STK32C: variants seen among roughly 807,000 people sequenced by gnomAD.
STK32C encodes serine/threonine-protein kinase 32C.
A neutral mutation model predicts 56.5 loss-of-function variants in STK32C; 31 were observed. The ratio of observed to expected loss-of-function variants is 0.55; its 90% confidence interval spans 0.41 to 0.74. The LOEUF is 0.74. STK32C is among the 30% of genes least tolerant of loss of function. The pLI is 0.00. For synonymous variants in STK32C, 309 were observed against 289.4 expected (o/e 1.07, Z -0.69); for missense variants, 544 against 676.9 (o/e 0.80, Z 2.18).
intron 1 of STK32C, among the ~76,000 whole-genome samples, chr10:132,253,452 AGGGAACTG>A: frequency 7.6e-6 from 1 of 131,744 alleles, no homozygotes; most frequent in Non-Finnish European, 1.6e-5. Context: ...GAGGGAGTCG[AGGGAACTG>A]GAGGGAGCTG....
At chr10:132,254,951 G>C (rs377204558) in intron 1 of STK32C, among the ~76,000 whole-genome samples, 22 of 152,070 alleles carry the variant, frequency 1.4e-4, no homozygotes, top group Middle Eastern at 3.4e-3. Flanking sequence ...GCGTGTCCCA[G>C]GCCTGGGACG....
At chr10:132,331,321 G>T in intron 1 of STK32C, 1 of 1,040,810 alleles carries the variant, frequency 9.6e-7, no homozygotes, top group East Asian at 2.6e-5. Flanking sequence ...TTGGATCCTG[G>T]AATGAAGGTG....
intron 1 of STK32C, among the ~76,000 whole-genome samples, chr10:132,301,288 T>C (rs1474560727): frequency 6.6e-6 from 1 of 152,160 alleles, no homozygotes; most frequent in Non-Finnish European, 1.5e-5. Context: ...TCCACTAATG[T>C]GAACCCAGAT....
At chr10:132,297,770 C>T (rs992335261) in intron 1 of STK32C, among the ~76,000 whole-genome samples, 3 of 152,236 alleles carry the variant, frequency 2.0e-5, no homozygotes, top group Admixed American at 6.5e-5. Context: ...CCCGGCGAAG[C>T]CCCCGTAGTC....
At position 132,241,438 on chromosome 10, in the gene STK32C, C is replaced by T. The variant is rs79155017; in HGVS notation, c.318+4462G>A. 2.4e-3 allele frequency among the ~76,000 whole-genome samples: 358 copies of T among 152,254 alleles called. 13 individuals carry two copies. In the East Asian group the frequency reaches 0.059, roughly 25 times the overall value. The stretch of plus-strand genomic sequence containing the variant: ...TGACATAGAATAACCATAGGAACGA[C>T]GTATCATCAACGGAACAAAATGTGA... On this transcript the variant is annotated intron_variant, in intron 2 of 11. Transcript: ENST00000298630.
intron 1 of STK32C, among the ~76,000 whole-genome samples, chr10:132,247,070 A>G (rs961975736): frequency 1.3e-5 from 2 of 152,120 alleles, no homozygotes; most frequent in African/African-American, 4.8e-5. Flanking sequence ...CCCCCTACAC[A>G]CATGGTTATT....
chr10:132,255,277 G>T lies in STK32C; in HGVS notation c.263-9322C>A, dbSNP rs1008148430. On this transcript the variant is annotated intron_variant, in intron 1 of 11. Coordinates refer to ENST00000298630, the MANE Select transcript of STK32C (RefSeq NM_173575.4). The surrounding 1 kb of genome is among the most constrained non-coding windows in gnomAD (Gnocchi z 4.6). ...GGCCCACACGGGGCTCCTGACTTAG[G>T]AAATACCGGGCCAGGTGGAAGAGTT... 6.6e-6 allele frequency among the ~76,000 whole-genome samples: 1 copy of T among 152,108 alleles called. No individual in the cohort carries two copies. The highest frequency in any genetic ancestry group is 2.4e-5 in the African/African-American group (1 of 41,398).
At chr10:132,302,613 G>A (rs1283021524) in intron 1 of STK32C, among the ~76,000 whole-genome samples, 2 of 152,174 alleles carry the variant, frequency 1.3e-5, no homozygotes, top group African/African-American at 2.4e-5. Context: ...CTGCACTGTG[G>A]GGGATGGGTG....
chr10:132,330,260 A>G lies in STK32C; in HGVS notation c.301+1176T>C. 5 of 571,210 alleles carry G rather than the reference A, an allele frequency of 8.8e-6. No individual in the cohort carries two copies. In the South Asian group the frequency reaches 1.1e-4, roughly 12 times the overall value. The allele number at this position is 571,210 out of a possible 1,614,324, so 35.4% of individuals were successfully genotyped here. On this transcript the variant is annotated intron_variant, in intron 1 of 1. Transcript: ENST00000368619. ...AAATGTGAAACAAAAACCTGAGGCA[A>G]CAATAACAAGCAAGAGGGAATACGC... is the stretch of plus-strand genomic sequence containing the variant.
At chr10:132,303,866 C>A (rs1408141254) in intron 1 of STK32C, among the ~76,000 whole-genome samples, 2 of 152,228 alleles carry the variant, frequency 1.3e-5, no homozygotes, top group Non-Finnish European at 2.9e-5. Flanking sequence ...GCCAGCTCCG[C>A]TGGCAGCAGG....
chr10:132,311,346 C>T (rs1003864343), upstream of STK32C, among the ~76,000 whole-genome samples: 3 of 152,222 alleles, frequency 2.0e-5, no homozygotes, highest in South Asian at 2.1e-4. This position sits in a 1 kb window ranked among gnomAD's most constrained non-coding sequence, Gnocchi z 4.4. Flanking sequence ...CATGGGACTC[C>T]GATGCTGGTG....
At chr10:132,310,151 G>T (rs1046388935), upstream of STK32C, among the ~76,000 whole-genome samples, 8 of 152,172 alleles carry the variant, frequency 5.3e-5, no homozygotes, top group Admixed American at 4.6e-4. The surrounding 1 kb of genome is among the most constrained non-coding windows in gnomAD (Gnocchi z 4.6). Context: ...GGGGGCAGAG[G>T]GGTTCATGGG....
chr10:132,268,143 TTGTG>T (rs374198887), intron 1 of STK32C, among the ~76,000 whole-genome samples: 13 of 123,122 alleles, frequency 1.1e-4, no homozygotes, highest in East Asian at 8.1e-4. Context: ...ATGCGTCACA[TTGTG>T]TGTGTGTGTG....
intron 1 of STK32C, among the ~76,000 whole-genome samples, chr10:132,316,814 G>A (rs1032316584): frequency 6.6e-6 from 1 of 152,114 alleles, no homozygotes; most frequent in African/African-American, 2.4e-5. Flanking sequence ...CCAGCAATTT[G>A]GGAGGCAAAG....
intron 1 of STK32C, among the ~76,000 whole-genome samples, chr10:132,265,617 T>C (rs2064493239): frequency 6.6e-6 from 1 of 152,134 alleles, no homozygotes; most frequent in Non-Finnish European, 1.5e-5. Context: ...TCCTTCCTGC[T>C]GAAGGCTCTG....
chr10:132,241,122 G>A (rs2063485399), intron 2 of STK32C, among the ~76,000 whole-genome samples: 3 of 152,232 alleles, frequency 2.0e-5, no homozygotes, highest in South Asian at 4.1e-4. Flanking sequence ...GTTATTCCCA[G>A]GAGCACCAGC....
At chr10:132,267,074 A>AG (rs2138114292) in intron 1 of STK32C, among the ~76,000 whole-genome samples, 1 of 152,258 alleles carries the variant, frequency 6.6e-6, no homozygotes, top group African/African-American at 2.4e-5. Flanking sequence ...CAGAAGCCGG[A>AG]GCAGCCCCTT....
chr10:132,306,016 C>T (rs768280980), intron 1 of STK32C, among the ~76,000 whole-genome samples: 14 of 152,212 alleles, frequency 9.2e-5, no homozygotes, highest in Non-Finnish European at 1.9e-4. Flanking sequence ...CAAGTCAGAC[C>T]GTGAGCCCCA....
chr10:132,278,850 G>A (rs905192969), intron 1 of STK32C, among the ~76,000 whole-genome samples: 3 of 151,968 alleles, frequency 2.0e-5, no homozygotes, highest in African/African-American at 7.3e-5. Flanking sequence ...TTTCTTACAA[G>A]GAACTTATAC....
Sources: gnomAD v4.1 joint callset for allele counts (sites outside exome capture counted in the v4.1 genomes callset) on GRCh38, gnomAD v4.1.1 for gene constraint, Gnocchi (gnomAD v3.1) non-coding constraint, MANE v1.5 for transcripts, NCBI Gene and HGNC (gene_info 2026-07-23, HGNC 2026-07-21) for gene names.